Variants in C13orf46 observed in about 807,000 individuals in gnomAD.
C13orf46 encodes uncharacterized protein C13orf46.
At chr13:113,949,563 T>C (rs1195428445), downstream of C13orf46, among the ~76,000 whole-genome samples, 1 of 152,236 alleles carries the variant, frequency 6.6e-6, no homozygotes, top group East Asian at 1.9e-4. Flanking sequence ...TTCCTCTTTT[T>C]GCCTAAAGCA....
At chr13:113,947,995 C>T in the C13orf46 span, among the ~76,000 whole-genome samples, 9 of 152,244 alleles carry the variant, frequency 5.9e-5, no homozygotes, top group African/African-American at 1.2e-4. Context: ...GCTGCCCCAG[C>T]GCCCATCGGG....
chr13:113,931,300 G>A, the C13orf46 span, among the ~76,000 whole-genome samples: 1 of 152,166 alleles, frequency 6.6e-6, no homozygotes, highest in African/African-American at 2.4e-5. Context: ...CCACGTCTGA[G>A]AGGCTCACTT....
chr13:113,962,300 G>A (rs1224789794), intron 6 of C13orf46, among the ~76,000 whole-genome samples: 1 of 152,180 alleles, frequency 6.6e-6, no homozygotes, highest in Non-Finnish European at 1.5e-5. Context: ...CAGCTACTCA[G>A]GAGGCTGAGG....
rs1210198377 is a variant in C13orf46 at position 113,955,093 on chromosome 13, GAGCAGCTGGTGGAGAGGAGC to G, written c.*1660_*1679del. On this transcript the variant is annotated 3_prime_UTR_variant, in exon 7 of 7. Coordinates refer to ENST00000636427, the MANE Select transcript of C13orf46 (RefSeq NM_001365455.2). Reference sequence around the variant, plus strand: ...ATGAGGAGCATCCAGTGGGGATGAGGAGCAGCTGGTGGAGAGGAGCAGCAGCTGGTGGAGACGAGGAGCAT... The same window carrying G: ...ATGAGGAGCATCCAGTGGGGATGAGGAGCAGCTGGTGGAGACGAGGAGCAT... 19 of 224,166 alleles carry G rather than the reference GAGCAGCTGGTGGAGAGGAGC, an allele frequency of 8.5e-5. No homozygotes were observed. Among genetic ancestry groups the G allele is most frequent in the Non-Finnish European group, 1.4e-4 (16 of 115,524 alleles). 13.9% of individuals were successfully genotyped at this position (224,166 alleles called of 1,614,324 possible).
the C13orf46 span, among the ~76,000 whole-genome samples, chr13:113,945,817 C>T: frequency 1.3e-5 from 2 of 152,100 alleles, no homozygotes; most frequent in Non-Finnish European, 1.5e-5. Flanking sequence ...CATATTGACC[C>T]TTTTGTTCAG....
At chr13:113,934,413 G>A in the C13orf46 span, among the ~76,000 whole-genome samples, 2 of 152,238 alleles carry the variant, frequency 1.3e-5, no homozygotes, top group African/African-American at 4.8e-5. Context: ...ACACAGGATG[G>A]ATGGAGATGA....
At chr13:113,968,109 G>A (rs1230491274) in intron 4 of C13orf46, among the ~76,000 whole-genome samples, 1 of 152,214 alleles carries the variant, frequency 6.6e-6, no homozygotes, top group Admixed American at 6.5e-5. Flanking sequence ...TTCACACGGT[G>A]CCACGTGAGA....
At chr13:113,964,415 A>G (rs1460479689) in intron 6 of C13orf46, among the ~76,000 whole-genome samples, 1 of 152,094 alleles carries the variant, frequency 6.6e-6, no homozygotes, top group Non-Finnish European at 1.5e-5. Context: ...CAGCCTGGGG[A>G]CACGGATCAT....
chr13:113,930,331 G>A, the C13orf46 span, among the ~76,000 whole-genome samples: 2 of 151,986 alleles, frequency 1.3e-5, no homozygotes, highest in Non-Finnish European at 2.9e-5. Flanking sequence ...AAGGAGCACC[G>A]GGGTGGGAGT....
chr13:113,970,497 G>A (rs1452579038), intron 1 of C13orf46: 2 of 152,364 alleles, frequency 1.3e-5, no homozygotes, highest in Non-Finnish European at 2.9e-5. Context: ...GACTCAGGGT[G>A]AGGCATGGCC....
chr13:113,959,283 G>A (rs2052568643), intron 6 of C13orf46, among the ~76,000 whole-genome samples: 1 of 152,132 alleles, frequency 6.6e-6, no homozygotes, highest in Non-Finnish European at 1.5e-5. Context: ...AAAAGAAAAG[G>A]AAAAGATTCT....
chr13:113,948,328 A>G, the C13orf46 span, among the ~76,000 whole-genome samples: 1 of 152,218 alleles, frequency 6.6e-6, no homozygotes, highest in South Asian at 2.1e-4. Context: ...GGAAACTTCT[A>G]TTTATTGTTC....
intron 6 of C13orf46, among the ~76,000 whole-genome samples, chr13:113,963,594 C>CTGTCCTCAGCCGCAGTCCT (rs1491323902): frequency 1.4e-5 from 2 of 147,088 alleles, no homozygotes; most frequent in Non-Finnish European, 3.0e-5. Context: ...GCCTCGGCCC[C>CTGTCCTCAGCCGCAGTCCT]TGTCCTCAGC....
At chr13:113,972,613 G>A (rs540873647) in intron 1 of C13orf46, among the ~76,000 whole-genome samples, 32 of 152,308 alleles carry the variant, frequency 2.1e-4, no homozygotes, top group African/African-American at 5.1e-4. Context: ...CCACACCACC[G>A]TCCGTTCGGC....
rs1364273631 is a variant in C13orf46, at chr13:113,954,696, C to T, written c.*2077G>A. On this transcript the variant is annotated 3_prime_UTR_variant, in exon 7 of 7. Coordinates refer to ENST00000636427, the MANE Select transcript of C13orf46 (RefSeq NM_001365455.2). Reference sequence around the variant, plus strand: ...CGAGGCCCACAAAGGGCTGAGCCTCCCCTGCTGTGCCCCAGGGGCCTCTGT... The same window carrying T: ...CGAGGCCCACAAAGGGCTGAGCCTCTCCTGCTGTGCCCCAGGGGCCTCTGT... 3 of 159,370 alleles carry T rather than the reference C, an allele frequency of 1.9e-5. No homozygotes were observed. Among genetic ancestry groups the T allele is most frequent in the African/African-American group, 7.2e-5 (3 of 41,504 alleles). The allele number at this position is 159,370 out of a possible 1,614,324, so 9.9% of individuals were successfully genotyped here.
At position 113,955,829 on chromosome 13, in the gene C13orf46, G is replaced by A. The variant is rs2052525176; in HGVS notation, c.*944C>T. 1 of 163,258 alleles carries A rather than the reference G, an allele frequency of 6.1e-6. No homozygotes were observed. Among genetic ancestry groups the A allele is most frequent in the Admixed American group, 6.5e-5 (1 of 15,276 alleles). 10.1% of individuals were successfully genotyped at this position (163,258 alleles called of 1,614,324 possible). On this transcript the variant is annotated 3_prime_UTR_variant, in exon 7 of 7. Transcript: ENST00000636427. ...CGGCGGAGACGAGGAGCAGCCGGTG[G>A]AGACGAGGAGCATCTCGAGGAGAGG...
chr13:113,970,753 G>A (rs1458562422), intron 1 of C13orf46, among the ~76,000 whole-genome samples: 1 of 152,194 alleles, frequency 6.6e-6, no homozygotes, highest in Non-Finnish European at 1.5e-5. Flanking sequence ...ATTGCGGGAT[G>A]TTTCTAGCAG....
the C13orf46 span, among the ~76,000 whole-genome samples, chr13:113,932,789 A>G: frequency 3.3e-5 from 5 of 152,106 alleles, no homozygotes; most frequent in East Asian, 7.7e-4. Flanking sequence ...TCCCAAACTA[A>G]AAGTCACCAT....
intron 6 of C13orf46, among the ~76,000 whole-genome samples, chr13:113,960,935 CCTTTAT>C (rs1385939232): frequency 9.2e-5 from 14 of 152,212 alleles, no homozygotes; most frequent in African/African-American, 2.2e-4. Flanking sequence ...GATAATTTCT[CCTTTAT>C]CTTTATTAGA....
Sources: allele counts gnomAD v4.1 joint callset (sites outside exome capture counted in the v4.1 genomes callset), GRCh38; gene constraint gnomAD v4.1.1; transcripts MANE v1.5; gene names NCBI Gene and HGNC (gene_info 2026-07-23, HGNC 2026-07-21).